The following AP3B1 variants were observed in gnomAD, a reference collection of about 807,000 sequenced individuals.
AP3B1 encodes AP-3 complex subunit beta-1.
Under a neutral mutation model 132.5 loss-of-function variants are expected in AP3B1, and 61 were observed. The ratio of observed to expected loss-of-function variants is 0.46; its 90% confidence interval spans 0.37 to 0.57. The LOEUF (loss-of-function observed/expected upper bound fraction) is 0.57. Ranked by LOEUF, AP3B1 falls within the 20% of genes least tolerant of loss-of-function variation. The probability of loss-of-function intolerance (pLI) is 0.00; values close to 1 mark genes in which losing one functional copy is unlikely to be tolerated. For synonymous variants in AP3B1, 388 were observed against 438.3 expected, an observed-to-expected ratio of 0.89 and a Z score of 1.43; for missense variants, 1,120 against 1,289.4, an observed-to-expected ratio of 0.87 and a Z score of 2.01.
At chr5:78,162,326 T>G (rs4704484) in intron 13 of AP3B1, among the ~76,000 whole-genome samples, 44,043 of 151,966 alleles carry the variant, frequency 0.29, 6,777 homozygotes, top group Admixed American at 0.39. Flanking sequence ...GCTCCAAGTT[T>G]ATGGCTTTTA....
intron 3 of AP3B1, among the ~76,000 whole-genome samples, chr5:78,239,711 C>T (rs1432185195): frequency 3.5e-5 from 5 of 143,686 alleles, no homozygotes; most frequent in African/African-American, 1.1e-4. Context: ...CCCAGGAGGT[C>T]GAGGCTGTAG....
At chr5:78,038,632 C>T (rs1349456221) in intron 23 of AP3B1, among the ~76,000 whole-genome samples, 1 of 152,126 alleles carries the variant, frequency 6.6e-6, no homozygotes, top group Non-Finnish European at 1.5e-5. Context: ...GAAAGGATCT[C>T]GAGATACGAG....
At chr5:78,289,240 C>T (rs1384830175) in intron 1 of AP3B1, among the ~76,000 whole-genome samples, 1 of 152,154 alleles carries the variant, frequency 6.6e-6, no homozygotes, top group East Asian at 1.9e-4. Flanking sequence ...AAACCACAGA[C>T]ACATGTAATC....
At chr5:78,219,711 A>G (rs1027796654) in intron 6 of AP3B1, among the ~76,000 whole-genome samples, 8 of 152,112 alleles carry the variant, frequency 5.3e-5, no homozygotes, top group Non-Finnish European at 7.4e-5. Flanking sequence ...TAATATATTT[A>G]TAATTCCACC....
chr5:78,096,600 G>T (rs1750799829), intron 21 of AP3B1, among the ~76,000 whole-genome samples: 1 of 151,564 alleles, frequency 6.6e-6, no homozygotes, highest in Admixed American at 6.6e-5. Flanking sequence ...CGTCTGAGAT[G>T]TGGGGAGCGC....
chr5:78,251,137 A>G (rs774512839), intron 2 of AP3B1, among the ~76,000 whole-genome samples: 1 of 152,250 alleles, frequency 6.6e-6, no homozygotes, highest in Non-Finnish European at 1.5e-5. Context: ...ATAACAAATC[A>G]GTAAAGAAAA....
intron 3 of AP3B1, among the ~76,000 whole-genome samples, chr5:78,237,034 G>C (rs1407876888): frequency 1.3e-5 from 2 of 152,156 alleles, no homozygotes; most frequent in Non-Finnish European, 2.9e-5. Context: ...GGTTTATCAA[G>C]TCATTTAAAT....
chr5:78,279,907 A>AAT (rs55881507), intron 1 of AP3B1, among the ~76,000 whole-genome samples: 34,721 of 114,052 alleles, frequency 0.3, 5,921 homozygotes, highest in African/African-American at 0.37. Context: ...ATATGACTTA[A>AAT]ATATATATAT....
intron 25 of AP3B1, among the ~76,000 whole-genome samples, chr5:78,016,985 T>A (rs537061968): frequency 6.6e-6 from 1 of 152,126 alleles, no homozygotes; most frequent in Non-Finnish European, 1.5e-5. Context: ...ACTATGTTTA[T>A]GTTAAAAGCC....
intron 22 of AP3B1, among the ~76,000 whole-genome samples, chr5:78,066,638 A>C (rs1749303875): frequency 6.6e-6 from 1 of 152,206 alleles, no homozygotes; most frequent in African/African-American, 2.4e-5. Flanking sequence ...AAAAGGAACA[A>C]ACAAAACCTC....
At chr5:78,288,645 T>G (rs939604759) in intron 1 of AP3B1, among the ~76,000 whole-genome samples, 10 of 152,200 alleles carry the variant, frequency 6.6e-5, no homozygotes, top group African/African-American at 2.4e-4. Flanking sequence ...CATTGGCTAA[T>G]GAGAGAGCAA....
At chr5:78,290,581 TAAAAG>T (rs1006711782) in intron 1 of AP3B1, among the ~76,000 whole-genome samples, 1 of 142,636 alleles carries the variant, frequency 7.0e-6, no homozygotes, top group African/African-American at 2.5e-5. Flanking sequence ...CCAAATTGGT[TAAAAG>T]AAGTTTTTTT....
At chr5:78,249,228 G>C (rs1277244524) in intron 2 of AP3B1, among the ~76,000 whole-genome samples, 1 of 151,976 alleles carries the variant, frequency 6.6e-6, no homozygotes, top group Non-Finnish European at 1.5e-5. Flanking sequence ...GGTGGGGCTG[G>C]GGAGCGGGGG....
At chr5:78,192,467 C>A (rs536189864) in intron 7 of AP3B1, among the ~76,000 whole-genome samples, 1 of 151,924 alleles carries the variant, frequency 6.6e-6, no homozygotes, top group East Asian at 2.0e-4. Context: ...CATGGTGAAA[C>A]CCTGTCTCTA....
At chr5:78,168,950 A>G (rs1279012154) in intron 11 of AP3B1, among the ~76,000 whole-genome samples, 1 of 152,186 alleles carries the variant, frequency 6.6e-6, no homozygotes, top group East Asian at 1.9e-4. Flanking sequence ...ATTTGGGTAT[A>G]ATTTAGATTT....
intron 11 of AP3B1, 96 bp from the exon 12 acceptor site, chr5:78,165,768 T>A: frequency 1.1e-6 from 1 of 937,564 alleles, no homozygotes; most frequent in Non-Finnish European, 1.7e-6. Flanking sequence ...TTATTTCTAC[T>A]TTTAAAAATC....
intron 15 of AP3B1, among the ~76,000 whole-genome samples, chr5:78,137,799 A>G (rs188046787): frequency 1.5e-3 from 231 of 152,334 alleles, no homozygotes; most frequent in Middle Eastern, 0.014. Context: ...TGAGGCAGAT[A>G]AAGAAATTTA....
At chr5:78,115,517 C>T (rs1278362781) in intron 18 of AP3B1, among the ~76,000 whole-genome samples, 1 of 152,064 alleles carries the variant, frequency 6.6e-6, no homozygotes, top group Non-Finnish European at 1.5e-5. Flanking sequence ...TAACTGTACC[C>T]CTTCATTTAT....
chr5:78,163,989 G>GA (rs1743506804), intron 12 of AP3B1, among the ~76,000 whole-genome samples: 1 of 151,850 alleles, frequency 6.6e-6, no homozygotes, highest in South Asian at 2.1e-4. Flanking sequence ...AAATGGAGGA[G>GA]AAAACCTAAA....
Sources: allele counts gnomAD v4.1 joint callset (sites outside exome capture counted in the v4.1 genomes callset), GRCh38; gene constraint gnomAD v4.1.1; transcripts MANE v1.5; gene names NCBI Gene and HGNC (gene_info 2026-07-23, HGNC 2026-07-21).